RAD51B: variants seen among roughly 807,000 people sequenced by gnomAD.
The protein encoded by RAD51B is RAD51 paralog B, also known as DNA repair protein RAD51 homolog 2.
In RAD51B, 38 loss-of-function variants were observed where a neutral mutation model predicts 42.2. The observed-to-expected ratio is 0.90, with a 90% CI of 0.70 to 1.18. The LOEUF (loss-of-function observed/expected upper bound fraction) is 1.18. RAD51B is among the 50% of genes most tolerant of loss of function. The probability of loss-of-function intolerance (pLI) is 0.00; values close to 1 mark genes in which losing one functional copy is unlikely to be tolerated. For synonymous variants in RAD51B, 154 were observed against 145.2 expected (o/e 1.06, Z -0.43); for missense variants, 373 against 400.7 (o/e 0.93, Z 0.59).
intron 10 of RAD51B, among the ~76,000 whole-genome samples, chr14:68,508,196 G>C (rs1366828404): frequency 6.6e-6 from 1 of 152,118 alleles, no homozygotes; most frequent in Non-Finnish European, 1.5e-5. Context: ...ATGGAAGTTT[G>C]CTTTATACTT....
At chr14:68,296,982 G>A (rs929069865) in intron 8 of RAD51B, among the ~76,000 whole-genome samples, 1 of 152,192 alleles carries the variant, frequency 6.6e-6, no homozygotes, top group Non-Finnish European at 1.5e-5. Context: ...TTGTTGGAAG[G>A]CTTTCTATTC....
chr14:68,265,405 G>A (rs926219935), intron 7 of RAD51B, among the ~76,000 whole-genome samples: 1 of 152,192 alleles, frequency 6.6e-6, no homozygotes, highest in African/African-American at 2.4e-5. Flanking sequence ...ATGGGACATG[G>A]TTCTTGTTTT....
At chr14:68,131,416 C>T (rs754010255) in intron 7 of RAD51B, among the ~76,000 whole-genome samples, 32 of 152,196 alleles carry the variant, frequency 2.1e-4, no homozygotes, top group Non-Finnish European at 4.3e-4. Flanking sequence ...GACATATTCG[C>T]TGGGTGCGGT....
downstream of RAD51B, among the ~76,000 whole-genome samples, chr14:68,597,199 C>T (rs1364027467): frequency 6.6e-6 from 1 of 152,130 alleles, no homozygotes; most frequent in East Asian, 1.9e-4. Context: ...CCGTGCTCTC[C>T]TACAGCAGAG....
intron 7 of RAD51B, among the ~76,000 whole-genome samples, chr14:68,221,929 A>G (rs940444292): frequency 1.3e-5 from 2 of 152,260 alleles, no homozygotes; most frequent in Admixed American, 6.5e-5. Context: ...CAATAAGCAT[A>G]TGGAAAAAAT....
chr14:68,364,773 C>T (rs1054419156), intron 8 of RAD51B, among the ~76,000 whole-genome samples: 2 of 152,170 alleles, frequency 1.3e-5, no homozygotes, highest in Admixed American at 6.5e-5. Flanking sequence ...GTGTGAAGTA[C>T]TCTGGCAACT....
At chr14:68,191,006 TGTTA>T (rs2079254719) in intron 7 of RAD51B, among the ~76,000 whole-genome samples, 1 of 149,492 alleles carries the variant, frequency 6.7e-6, no homozygotes, top group South Asian at 2.2e-4. Flanking sequence ...ATCTAAATGC[TGTTA>T]GTTAATGCTA....
At chr14:67,977,366 C>A (rs1397965141) in intron 7 of RAD51B, among the ~76,000 whole-genome samples, 1 of 152,214 alleles carries the variant, frequency 6.6e-6, no homozygotes, top group East Asian at 1.9e-4. Context: ...TTTGGAACTA[C>A]ATTTTATTAT....
chr14:67,969,190 G>A (rs536350867), intron 7 of RAD51B, among the ~76,000 whole-genome samples: 1 of 152,320 alleles, frequency 6.6e-6, no homozygotes, highest in East Asian at 1.9e-4. Context: ...AATTCAAGAT[G>A]AGATTTGGGT....
chr14:68,231,416 C>T (rs1010852730), intron 7 of RAD51B, among the ~76,000 whole-genome samples: 2 of 152,108 alleles, frequency 1.3e-5, no homozygotes, highest in African/African-American at 4.8e-5. Context: ...AATTTCGATT[C>T]CTTTTCCTGA....
chr14:68,400,671 A>G (rs902555619), intron 8 of RAD51B, among the ~76,000 whole-genome samples: 1 of 152,218 alleles, frequency 6.6e-6, no homozygotes, highest in African/African-American at 2.4e-5. Context: ...GTGGGGGAAA[A>G]AAAACATATT....
At chr14:67,911,677 G>A (rs2043984144) in intron 7 of RAD51B, among the ~76,000 whole-genome samples, 1 of 151,998 alleles carries the variant, frequency 6.6e-6, no homozygotes, top group Non-Finnish European at 1.5e-5. Flanking sequence ...ACCTAAAACT[G>A]TACTCTTTAC....
intron 9 of RAD51B, among the ~76,000 whole-genome samples, chr14:68,454,582 A>C (rs2140195033): frequency 6.6e-6 from 1 of 152,302 alleles, no homozygotes; most frequent in Non-Finnish European, 1.5e-5. Context: ...CAGCCACTGG[A>C]GAGGATAGAA....
At position 68,541,217 on chromosome 14, in the gene RAD51B, C is replaced by T. The variant is rs550915560; in HGVS notation, c.1037-53268C>T. On this transcript the variant is annotated intron_variant, in intron 10 of 10. Coordinates refer to the RAD51B transcript ENST00000487270. ...GATCCTTTCTCTGCTCAGCTCCGTT[C>T]GGGCTCCTCTTTTCTTGAAGATTTG... is the stretch of plus-strand genomic sequence containing the variant. 1.9e-5 allele frequency: 19 copies of T among 985,428 alleles called. No individual in the cohort carries two copies. The East Asian group carries it at 4.5e-4, about 24-fold the overall frequency. The allele number at this position is 985,428 out of a possible 1,614,324, so 61.0% of individuals were successfully genotyped here. A position where few individuals can be genotyped will look rare whatever the true frequency, so the allele number is the denominator to read the frequency against.
chr14:68,306,566 A>G, intron 8 of RAD51B: 1 of 480,598 alleles, frequency 2.1e-6, no homozygotes, highest in Non-Finnish European at 4.2e-6. Flanking sequence ...TGTGTGACCC[A>G]GTATATCTTT....
chr14:68,642,895 AG>A (rs1293833419), intron 10 of RAD51B, among the ~76,000 whole-genome samples: 1 of 152,174 alleles, frequency 6.6e-6, no homozygotes, highest in African/African-American at 2.4e-5. Flanking sequence ...TTAATCTCCA[AG>A]TATTTGGGGA....
chr14:68,600,276 C>T (rs144210577), downstream of RAD51B, among the ~76,000 whole-genome samples: 102 of 152,324 alleles, frequency 6.7e-4, 1 homozygote, highest in South Asian at 0.013. Context: ...GGATGTTTCT[C>T]CCTTTGGCTG....
intron 10 of RAD51B, among the ~76,000 whole-genome samples, chr14:68,621,310 A>G (rs2140115545): frequency 6.6e-6 from 1 of 152,314 alleles, no homozygotes; most frequent in East Asian, 1.9e-4. Flanking sequence ...TCAAATGCCA[A>G]GTGATGCCCA....
intron 8 of RAD51B, among the ~76,000 whole-genome samples, chr14:68,351,839 G>A (rs182198265): frequency 1.1e-4 from 17 of 152,204 alleles, no homozygotes; most frequent in African/African-American, 1.9e-4. Context: ...AATGAGATTT[G>A]CTAGTTGGAA....
Sources: gnomAD v4.1 joint callset for allele counts (sites outside exome capture counted in the v4.1 genomes callset) on GRCh38, gnomAD v4.1.1 for gene constraint, MANE v1.5 for transcripts, NCBI Gene and HGNC (gene_info 2026-07-23, HGNC 2026-07-21) for gene names.